ASB4: variants seen among roughly 807,000 people sequenced by gnomAD.
ASB4 encodes the protein ankyrin repeat and SOCS box protein 4.
Under a neutral mutation model 38.6 loss-of-function variants are expected in ASB4, and 35 were observed. The observed-to-expected ratio is 0.91, with a 90% CI of 0.69 to 1.20. The LOEUF is 1.20. Among genes scored for constraint, ASB4 ranks in the 50% most tolerant of loss-of-function variants. The probability of loss-of-function intolerance (pLI) is 0.00; values close to 1 mark genes in which losing one functional copy is unlikely to be tolerated. For missense variants in ASB4, 557 were observed against 527.2 expected, an observed-to-expected ratio of 1.06 and a Z score of -0.55; for synonymous variants, 195 against 201.3, an observed-to-expected ratio of 0.97 and a Z score of 0.26.
chr7:95,489,244 A>T (rs1300703340), intron 1 of ASB4, among the ~76,000 whole-genome samples: 1 of 152,238 alleles, frequency 6.6e-6, no homozygotes, highest in Non-Finnish European at 1.5e-5. Flanking sequence ...ATAAGCAAAT[A>T]TGAAATGTGT....
upstream of ASB4, among the ~76,000 whole-genome samples, chr7:95,482,487 A>G (rs1335912721): frequency 1.3e-5 from 2 of 152,210 alleles, no homozygotes; most frequent in Non-Finnish European, 2.9e-5. Flanking sequence ...CTGTCCATTG[A>G]TCAGCTTTAA....
At chr7:95,546,030 C>T in the ASB4 span, among the ~76,000 whole-genome samples, 1 of 152,170 alleles carries the variant, frequency 6.6e-6, no homozygotes, top group African/African-American at 2.4e-5. Flanking sequence ...TGCATAGAAT[C>T]AGACATGCCA....
upstream of ASB4, among the ~76,000 whole-genome samples, chr7:95,475,625 C>G (rs1364015155): frequency 6.6e-6 from 1 of 152,124 alleles, no homozygotes; most frequent in Non-Finnish European, 1.5e-5. Context: ...CTCAGGTGAT[C>G]CACCCACCTC....
chr7:95,507,952 G>A (rs1362619450), intron 2 of ASB4, among the ~76,000 whole-genome samples: 1 of 152,070 alleles, frequency 6.6e-6, no homozygotes. Context: ...AGAGTGGGGG[G>A]GATTGAGAAC....
At chr7:95,478,893 TTTAGCGCTGAA>T (rs533064144) in intron 1 of ASB4, among the ~76,000 whole-genome samples, 6 of 152,212 alleles carry the variant, frequency 3.9e-5, no homozygotes, top group Non-Finnish European at 7.3e-5. Context: ...TACGCCGAAC[TTTAGCGCTGAA>T]GCATCTTAGC....
At chr7:95,474,700 AT>A (rs1789959348), upstream of ASB4, among the ~76,000 whole-genome samples, 3 of 151,780 alleles carry the variant, frequency 2.0e-5, no homozygotes, top group South Asian at 4.2e-4. Context: ...TTAAAAAAAA[AT>A]TTTTTTTAGA....
At chr7:95,528,741 G>A (rs1456353433) in intron 3 of ASB4, 15 of 998,534 alleles carry the variant, frequency 1.5e-5, no homozygotes, top group East Asian at 9.1e-5. Flanking sequence ...GAAAGCTAAC[G>A]TTTATTAAGT....
chr7:95,547,506 C>A, the ASB4 span, among the ~76,000 whole-genome samples: 1 of 152,252 alleles, frequency 6.6e-6, no homozygotes, highest in Non-Finnish European at 1.5e-5. Flanking sequence ...GTGTTCCATC[C>A]TGTGAATATA....
At chr7:95,521,858 G>A (rs1790667123) in intron 2 of ASB4, among the ~76,000 whole-genome samples, 1 of 151,942 alleles carries the variant, frequency 6.6e-6, no homozygotes, top group Admixed American at 6.6e-5. Flanking sequence ...GCAATGATAA[G>A]CATCAATTTT....
intron 2 of ASB4, among the ~76,000 whole-genome samples, chr7:95,513,258 T>G (rs1470799362): frequency 5.6e-4 from 79 of 141,778 alleles, no homozygotes; most frequent in African/African-American, 1.3e-3. Flanking sequence ...TGTTTGTTTT[T>G]TTTTTTTTTT....
the ASB4 span, among the ~76,000 whole-genome samples, chr7:95,473,209 C>A: frequency 1.5e-4 from 23 of 152,214 alleles, no homozygotes; most frequent in African/African-American, 5.3e-4. Flanking sequence ...CTTTCCCATT[C>A]AAGGAGACCT....
intron 2 of ASB4, among the ~76,000 whole-genome samples, chr7:95,498,849 G>A (rs959504101): frequency 2.0e-5 from 3 of 151,982 alleles, no homozygotes; most frequent in East Asian, 3.9e-4. Flanking sequence ...GGTTAGGTTC[G>A]TCTTTTTTTA....
chr7:95,475,592 C>T (rs1373392456), upstream of ASB4, among the ~76,000 whole-genome samples: 6 of 152,104 alleles, frequency 3.9e-5, no homozygotes, highest in African/African-American at 1.4e-4. Flanking sequence ...CCATGTTGGC[C>T]AGGCTGGTCT....
chr7:95,544,088 C>A (rs545951244), downstream of ASB4: 7 of 152,206 alleles, frequency 4.6e-5, no homozygotes, highest in South Asian at 1.5e-3. Context: ...ATGTAAAACA[C>A]TCCAATCATA....
chr7:95,482,605 G>A (rs1034311445), upstream of ASB4, among the ~76,000 whole-genome samples: 21 of 152,190 alleles, frequency 1.4e-4, no homozygotes, highest in Admixed American at 2.0e-4. Context: ...CAAGGACCAC[G>A]CCTGAAGGAC....
chr7:95,521,879 T>A (rs1790668142), intron 2 of ASB4, among the ~76,000 whole-genome samples: 1 of 151,948 alleles, frequency 6.6e-6, no homozygotes, highest in African/African-American at 2.4e-5. Flanking sequence ...AGAACAGTAG[T>A]TACCTCTGTG....
At position 95,528,160 on chromosome 7, in the gene ASB4, A is replaced by C. The variant is rs1342231518; in HGVS notation, c.835A>C (p.Asn279His). 14 of 1,614,204 alleles carry C rather than the reference A, an allele frequency of 8.7e-6. No homozygotes were observed. Among genetic ancestry groups the C allele is most frequent in the Non-Finnish European group, 1.2e-5 (14 of 1,180,030 alleles). The change falls in exon 3 of 5, where the codon AAT becomes CAT. Residue 279 changes from asparagine (N) to histidine (H), a missense_variant. Coordinates refer to ENST00000325885, the MANE Select transcript of ASB4 (RefSeq NM_016116.3). The part of the protein sequence containing the change: ...HMMLEAGAEA[N>H]LMDINGCAAI... The stretch of plus-strand genomic sequence containing the variant: ...GATGCTGGAAGCTGGCGCCGAAGCC[A>C]ATCTCATGGATATCAACGGCTGTGC...
chr7:95,520,209 C>CGGTGGTG (rs1199241923), intron 2 of ASB4, among the ~76,000 whole-genome samples: 1 of 152,208 alleles, frequency 6.6e-6, no homozygotes, highest in African/African-American at 2.4e-5. Context: ...GCCTCTGACA[C>CGGTGGTG]GGTGGTGGGT....
intron 2 of ASB4, among the ~76,000 whole-genome samples, chr7:95,512,371 A>C (rs1359507996): frequency 6.6e-6 from 1 of 152,196 alleles, no homozygotes; most frequent in South Asian, 2.1e-4. Flanking sequence ...GCAAGGCTTT[A>C]TGGATTATGT....
Sources: allele counts gnomAD v4.1 joint callset (sites outside exome capture counted in the v4.1 genomes callset), GRCh38; gene constraint gnomAD v4.1.1; transcripts MANE v1.5; gene names NCBI Gene and HGNC (gene_info 2026-07-23, HGNC 2026-07-21).